The following CRPPA variants were observed in gnomAD, a reference collection of about 807,000 sequenced individuals.
The protein encoded by CRPPA is CDP-L-ribitol pyrophosphorylase A.
In CRPPA, 43 loss-of-function variants were observed where a neutral mutation model predicts 52.0. The observed-to-expected ratio is 0.83, with a 90% CI of 0.65 to 1.07. CRPPA has a LOEUF of 1.07. Ranked by LOEUF, CRPPA falls within the 50% of genes least tolerant of loss-of-function variation. The pLI is 0.00. For synonymous variants in CRPPA, 250 were observed against 203.5 expected (o/e 1.23, Z -1.94); for missense variants, 629 against 551.7 (o/e 1.14, Z -1.40).
At chr7:16,287,562 G>A (rs1214103905) in intron 5 of CRPPA, among the ~76,000 whole-genome samples, 1 of 152,126 alleles carries the variant, frequency 6.6e-6, no homozygotes, top group Non-Finnish European at 1.5e-5. Context: ...TGGAGATATG[G>A]TCTTTAGGGA....
intron 2 of CRPPA, among the ~76,000 whole-genome samples, chr7:16,396,192 AATT>A (rs1787564222): frequency 6.6e-6 from 1 of 152,326 alleles, no homozygotes; most frequent in South Asian, 2.1e-4. Context: ...AGCCAGGAAA[AATT>A]ATTATCTTAC....
In CRPPA at chr7:16,421,116, G is replaced by A; in HGVS notation, c.207C>T (p.Cys69=). ...TGATGAGCGGCCTCTCCAGGATGGG[G>A]CAGAATTGCTTCGGGGTGGGGACCC... ...RMGVPTPKQF[C]PILERPLISY... The change falls in exon 1 of 10, where the codon TGC becomes TGT. Residue 69 remains cysteine (C), a synonymous_variant. Transcript: ENST00000407010. 1.5e-6 allele frequency: 2 copies of A among 1,319,100 alleles called. No homozygotes were observed. Among genetic ancestry groups the A allele is most frequent in the Non-Finnish European group, 9.7e-7 (1 of 1,027,504 alleles). The allele number at this position is 1,319,100 out of a possible 1,614,324, so 81.7% of individuals were successfully genotyped here. A position where few individuals can be genotyped will look rare whatever the true frequency, so the allele number is the denominator to read the frequency against.
At chr7:16,228,086 T>C (rs1782697315) in intron 8 of CRPPA, among the ~76,000 whole-genome samples, 1 of 151,908 alleles carries the variant, frequency 6.6e-6, no homozygotes, top group Admixed American at 6.6e-5. Context: ...TAACGTTCCA[T>C]TTGTCTATGT....
At chr7:16,332,367 A>G (rs1288797894) in intron 3 of CRPPA, among the ~76,000 whole-genome samples, 2 of 152,182 alleles carry the variant, frequency 1.3e-5, no homozygotes, top group Non-Finnish European at 1.5e-5. Flanking sequence ...ATTCAGAGAA[A>G]AAAGGTAAAA....
At chr7:16,185,674 G>T (rs1267553135) in intron 9 of CRPPA, among the ~76,000 whole-genome samples, 1 of 152,096 alleles carries the variant, frequency 6.6e-6, no homozygotes, top group East Asian at 1.9e-4. Flanking sequence ...AGAACCACTT[G>T]AAATATGTAT....
intron 9 of CRPPA, among the ~76,000 whole-genome samples, chr7:16,185,824 G>A (rs1237318327): frequency 6.6e-6 from 1 of 152,170 alleles, no homozygotes; most frequent in Admixed American, 6.5e-5. Flanking sequence ...AAAAGTGGCA[G>A]TCAAATAGTG....
At chr7:16,284,748 G>A (rs999421255) in intron 5 of CRPPA, among the ~76,000 whole-genome samples, 1 of 152,044 alleles carries the variant, frequency 6.6e-6, no homozygotes, top group African/African-American at 2.4e-5. Context: ...TAGGATCTAG[G>A]CTGAAGCATT....
chr7:16,313,224 T>C (rs1785072980), intron 3 of CRPPA, among the ~76,000 whole-genome samples: 1 of 151,950 alleles, frequency 6.6e-6, no homozygotes, highest in Admixed American at 6.6e-5. Flanking sequence ...AGGTGGTTAA[T>C]TATTGACTCA....
chr7:16,155,043 C>T (rs1422906959), intron 9 of CRPPA, among the ~76,000 whole-genome samples: 1 of 149,590 alleles, frequency 6.7e-6, no homozygotes, highest in African/African-American at 2.5e-5. Context: ...GTCTTCAACT[C>T]CTGACCTCAA....
intron 3 of CRPPA, among the ~76,000 whole-genome samples, chr7:16,309,338 T>G (rs951142201): frequency 6.6e-6 from 1 of 152,070 alleles, no homozygotes; most frequent in African/African-American, 2.4e-5. Flanking sequence ...ACACATGTAT[T>G]ATGCCCTCAA....
intron 3 of CRPPA, among the ~76,000 whole-genome samples, chr7:16,363,037 G>A (rs1364952598): frequency 1.3e-5 from 2 of 151,924 alleles, no homozygotes; most frequent in African/African-American, 4.8e-5. Context: ...GTCAAAATAG[G>A]CAGGAAAAAA....
At chr7:16,294,245 T>A (rs908686403) in intron 5 of CRPPA, among the ~76,000 whole-genome samples, 4 of 151,982 alleles carry the variant, frequency 2.6e-5, no homozygotes, top group Non-Finnish European at 5.9e-5. Context: ...GGGTTTTTTT[T>A]AACTACCTAC....
chr7:16,406,479 C>T (rs1787957978), intron 1 of CRPPA, 142 bp from the exon 2 acceptor site: 1 of 673,294 alleles, frequency 1.5e-6, no homozygotes, highest in Non-Finnish European at 2.5e-6. Flanking sequence ...TATGCATTCT[C>T]GTTAGGTCCA....
chr7:16,416,712 C>T (rs897505299), intron 1 of CRPPA, among the ~76,000 whole-genome samples: 1 of 151,866 alleles, frequency 6.6e-6, no homozygotes, highest in African/African-American at 2.4e-5. Context: ...CATGGTGGCA[C>T]GTGACTGTAG....
chr7:16,383,326 T>C (rs1787164025), intron 2 of CRPPA, among the ~76,000 whole-genome samples: 1 of 152,202 alleles, frequency 6.6e-6, no homozygotes, highest in Admixed American at 6.5e-5. Flanking sequence ...GAACCGCGAA[T>C]GCTGCTGTCT....
chr7:16,209,273 CT>C (rs34795937), intron 9 of CRPPA: 19,957 of 122,920 alleles, frequency 0.16, 1,691 homozygotes, highest in South Asian at 0.2. Flanking sequence ...TTCTAAGTGT[CT>C]TTTTTTTTTT....
intron 3 of CRPPA, among the ~76,000 whole-genome samples, chr7:16,322,632 GACA>G (rs1400688518): frequency 5.9e-5 from 9 of 152,120 alleles, no homozygotes; most frequent in African/African-American, 1.4e-4. Flanking sequence ...AAGGAAACCT[GACA>G]ACATTTGTTG....
chr7:16,194,116 T>G (rs12670694), intron 9 of CRPPA, among the ~76,000 whole-genome samples: 41,835 of 151,964 alleles, frequency 0.28, 6,354 homozygotes, highest in East Asian at 0.51. Context: ...GAGTGACAGA[T>G]GAGACAAAGA....
chr7:16,177,560 A>G (rs1445698207), intron 9 of CRPPA, among the ~76,000 whole-genome samples: 1 of 152,146 alleles, frequency 6.6e-6, no homozygotes, highest in African/African-American at 2.4e-5. Context: ...GAACATACGT[A>G]TATGTTTCTA....
Sources: gnomAD v4.1 joint callset for allele counts (sites outside exome capture counted in the v4.1 genomes callset) on GRCh38, gnomAD v4.1.1 for gene constraint, MANE v1.5 for transcripts, NCBI Gene and HGNC (gene_info 2026-07-23, HGNC 2026-07-21) for gene names.